DUSP22: variants seen among roughly 807,000 people sequenced by gnomAD.
DUSP22 encodes the protein dual specificity protein phosphatase 22.
Under a neutral mutation model 24.5 loss-of-function variants are expected in DUSP22, and 24 were observed. That is an observed-to-expected ratio of 0.98 (90% CI 0.71 to 1.38). DUSP22 has a LOEUF of 1.38. DUSP22 is among the 40% of genes most tolerant of loss of function. The pLI is 0.00. For missense variants in DUSP22, 330 were observed against 269.2 expected (o/e 1.23, Z -1.58); for synonymous variants, 160 against 106.4 (o/e 1.50, Z -3.10).
chr6:297,885 T>A (rs1363364404), intron 1 of DUSP22, among the ~76,000 whole-genome samples: 1 of 152,308 alleles, frequency 6.6e-6, no homozygotes. Flanking sequence ...AATCCAGTCA[T>A]CCATCCATGC....
intron 4 of DUSP22, among the ~76,000 whole-genome samples, chr6:343,803 T>A (rs543547484): frequency 2.0e-5 from 3 of 149,200 alleles, no homozygotes; most frequent in African/African-American, 7.4e-5. Flanking sequence ...AGTCAGTACC[T>A]GGGTGAGTTT....
At chr6:334,323 C>T (rs1271115567) in intron 3 of DUSP22, among the ~76,000 whole-genome samples, 1 of 152,298 alleles carries the variant, frequency 6.6e-6, no homozygotes, top group Non-Finnish European at 1.5e-5. Context: ...AAGAGAATAT[C>T]AGATTTTTAT....
intron 3 of DUSP22, among the ~76,000 whole-genome samples, chr6:330,478 A>G (rs1257122803): frequency 6.6e-6 from 1 of 152,312 alleles, no homozygotes; most frequent in Admixed American, 6.5e-5. Context: ...GTTAGAAATC[A>G]TGCTTGAAAC....
intron 4 of DUSP22, among the ~76,000 whole-genome samples, chr6:336,006 T>C (rs1759347423): frequency 6.6e-6 from 1 of 152,312 alleles, no homozygotes; most frequent in Admixed American, 6.5e-5. Context: ...GATTAGGTTT[T>C]GGCAAGATAA....
chr6:299,148 T>C (rs1309232808), intron 1 of DUSP22, among the ~76,000 whole-genome samples: 2 of 152,246 alleles, frequency 1.3e-5, no homozygotes, highest in East Asian at 1.9e-4. Context: ...CTTTACAGGC[T>C]TTTTTTTCCA....
At chr6:292,797 G>C (rs972713325) in intron 1 of DUSP22, among the ~76,000 whole-genome samples, 1 of 152,036 alleles carries the variant, frequency 6.6e-6, no homozygotes, top group Admixed American at 6.5e-5. Flanking sequence ...CTTGCCAGCC[G>C]GTGCGTTTTC....
chr6:340,528 CTT>C (rs1367781778), intron 4 of DUSP22, among the ~76,000 whole-genome samples: 1 of 152,296 alleles, frequency 6.6e-6, no homozygotes, highest in African/African-American at 2.4e-5. Flanking sequence ...CAAGCAAAAA[CTT>C]TTTTTTCTAA....
intron 3 of DUSP22, among the ~76,000 whole-genome samples, chr6:321,210 G>A (rs1758572922): frequency 6.6e-6 from 1 of 152,298 alleles, no homozygotes; most frequent in African/African-American, 2.4e-5. Flanking sequence ...ACTAAGGGAT[G>A]GGGCATGCAA....
chr6:329,537 C>T (rs1390628444), intron 3 of DUSP22, among the ~76,000 whole-genome samples: 1 of 152,292 alleles, frequency 6.6e-6, no homozygotes, highest in African/African-American at 2.4e-5. Flanking sequence ...ACTGCAACCT[C>T]CACCTCCTGG....
intron 1 of DUSP22, among the ~76,000 whole-genome samples, chr6:293,396 G>A (rs547635033): frequency 6.6e-6 from 1 of 152,404 alleles, no homozygotes; most frequent in South Asian, 2.1e-4. Flanking sequence ...TGGTTTCGAG[G>A]AAGGATTGAC....
chr6:305,839 C>T (rs539143864), intron 2 of DUSP22, among the ~76,000 whole-genome samples: 2 of 152,424 alleles, frequency 1.3e-5, no homozygotes, highest in Admixed American at 1.3e-4. Context: ...CTCCTCCCTT[C>T]CCTAACAAGC....
chr6:316,570 T>A (rs1448333147), intron 3 of DUSP22, among the ~76,000 whole-genome samples: 1 of 152,304 alleles, frequency 6.6e-6, no homozygotes, highest in Non-Finnish European at 1.5e-5. Context: ...ATTTTTCAAA[T>A]CAGAAACCTG....
At chr6:302,292 C>T (rs538081895) in intron 1 of DUSP22, among the ~76,000 whole-genome samples, 3 of 152,422 alleles carry the variant, frequency 2.0e-5, no homozygotes, top group African/African-American at 4.8e-5. Context: ...TATTCCATTT[C>T]ATGGCACCTA....
intron 3 of DUSP22, among the ~76,000 whole-genome samples, chr6:328,100 G>GCTGATTTCTAAGCAGCAGCTTT (rs373444844): frequency 1.3e-5 from 2 of 152,300 alleles, no homozygotes; most frequent in South Asian, 2.1e-4. Flanking sequence ...AATATCTGCT[G>GCTGATTTCTAAGCAGCAGCTTT]CTGATTTCTA....
At chr6:316,624 G>T (rs1758349210) in intron 3 of DUSP22, among the ~76,000 whole-genome samples, 1 of 152,286 alleles carries the variant, frequency 6.6e-6, no homozygotes. Flanking sequence ...AGCAATGAAA[G>T]GTTTCTCCCT....
chr6:325,408 G>A (rs1474556514), intron 3 of DUSP22: 1 of 192,872 alleles, frequency 5.2e-6, no homozygotes, highest in African/African-American at 3.0e-5. Flanking sequence ...TCTGCGTCCT[G>A]GTGTGTGCAG....
rs777776996 is a variant in DUSP22, at chr6:348,771, T to C, written c.438T>C (p.Tyr146=). Residue 146 remains tyrosine, a splice_region_variant and synonymous_variant, in exon 7 of 7, where the codon TAT becomes TAC. Coordinates refer to ENST00000419235, the MANE Select transcript of DUSP22 (RefSeq NM_001286555.3). ...QEFEKHEVHQ[Y]RQWLKEEYGE... ...GGGTTTGTTTCCATCCTCTCCAGTA[T>C]CGGCAGTGGCTGAAGGAAGAATATG... is the stretch of plus-strand genomic sequence containing the variant. 3 of 1,614,176 alleles carry C rather than the reference T, an allele frequency of 1.9e-6. No homozygotes were observed. The South Asian group carries it at 3.3e-5, about 18-fold the overall frequency.
intron 1 of DUSP22, among the ~76,000 whole-genome samples, chr6:292,810 G>A (rs1473198331): frequency 6.6e-6 from 1 of 152,242 alleles, no homozygotes; most frequent in East Asian, 1.9e-4. Flanking sequence ...GCGTTTTCGT[G>A]GCTGAAACAA....
At chr6:300,865 G>A (rs1322844651) in intron 1 of DUSP22, among the ~76,000 whole-genome samples, 4 of 152,306 alleles carry the variant, frequency 2.6e-5, no homozygotes, top group African/African-American at 4.8e-5. Flanking sequence ...GAAGGCTGGA[G>A]AGCCAGACTC....
Sources: gnomAD v4.1 joint callset for allele counts (sites outside exome capture counted in the v4.1 genomes callset) on GRCh38, gnomAD v4.1.1 for gene constraint, MANE v1.5 for transcripts, NCBI Gene and HGNC (gene_info 2026-07-23, HGNC 2026-07-21) for gene names.